SI: variants seen among roughly 807,000 people sequenced by gnomAD.
SI encodes the protein sucrase-isomaltase, also known as sucrase-isomaltase, intestinal.
In SI, 235 loss-of-function variants were observed where a neutral mutation model predicts 253.3. The ratio of observed to expected loss-of-function variants is 0.93; its 90% CI spans 0.83 to 1.03. The LOEUF is 1.03. Among genes scored for constraint, SI ranks in the 50% least tolerant of loss-of-function variants. The pLI is 0.00. For missense variants in SI, 2,442 were observed against 2,211.1 expected (o/e 1.10, Z -2.09); for synonymous variants, 819 against 712.0 (o/e 1.15, Z -2.39).
intron 15 of SI, among the ~76,000 whole-genome samples, chr3:165,048,344 A>C (rs906126369): frequency 1.1e-4 from 17 of 151,720 alleles, no homozygotes; most frequent in African/African-American, 4.1e-4. Context: ...GTATTAGAAA[A>C]TTAGTTAGAA....
the SI span, among the ~76,000 whole-genome samples, chr3:165,089,739 C>G: frequency 6.6e-6 from 1 of 152,060 alleles, no homozygotes; most frequent in Admixed American, 6.6e-5. Context: ...CTGGATTGGA[C>G]GAGCTACCAG....
chr3:164,998,065 G>T (rs1197355310), intron 38 of SI, among the ~76,000 whole-genome samples: 1 of 151,728 alleles, frequency 6.6e-6, no homozygotes, highest in Non-Finnish European at 1.5e-5. Context: ...TTTTGGGGTT[G>T]AATGGTCATT....
intron 3 of SI, among the ~76,000 whole-genome samples, chr3:165,070,266 T>A (rs2108103360): frequency 7.0e-6 from 1 of 143,762 alleles, no homozygotes; most frequent in African/African-American, 2.5e-5. Context: ...GTATAATAAA[T>A]ATACATATAT....
At chr3:165,079,153 C>T (rs188306713), upstream of SI, among the ~76,000 whole-genome samples, 1 of 151,492 alleles carries the variant, frequency 6.6e-6, no homozygotes, top group Non-Finnish European at 1.5e-5. Flanking sequence ...AATTACACTA[C>T]TGGTTTAAGC....
intron 25 of SI, 35 bp from the exon 26 acceptor site, chr3:165,023,811 A>T: frequency 6.9e-7 from 1 of 1,447,490 alleles, no homozygotes; most frequent in South Asian, 1.1e-5. Flanking sequence ...GCCAGAAATT[A>T]TAAGCCTTGT....
intron 17 of SI, 90 bp downstream of exon 17, chr3:165,042,969 G>A: frequency 1.2e-6 from 1 of 820,658 alleles, no homozygotes; most frequent in Non-Finnish European, 2.2e-6. Flanking sequence ...CAATCTTTCA[G>A]ACCATATACT....
At chr3:164,987,036 A>C in intron 45 of SI, 102 bp downstream of exon 45, 1 of 911,894 alleles carries the variant, frequency 1.1e-6, no homozygotes. Context: ...AATAATATTA[A>C]TAGCTTTGTA....
intron 12 of SI, among the ~76,000 whole-genome samples, chr3:165,058,032 C>A (rs139629568): frequency 6.9e-6 from 1 of 145,334 alleles, no homozygotes; most frequent in African/African-American, 2.5e-5. Context: ...TATGTCAGGC[C>A]AAAAAACAAG....
chr3:164,991,233 G>A, intron 44 of SI, 120 bp downstream of exon 44: 1 of 1,069,266 alleles, frequency 9.4e-7, no homozygotes, highest in Non-Finnish European at 1.4e-6. Flanking sequence ...TCATGTTACT[G>A]AGGCAGGCTA....
Position 164,996,597 on chromosome 3 carries a change from G to A in SI, c.4630C>T (p.Arg1544Cys), listed in dbSNP as rs767701775. Residue 1544 changes from arginine to cysteine, a missense_variant, in exon 40 of 48, where the codon CGC (arginine) becomes TGC (cysteine). Coordinates refer to ENST00000264382, the MANE Select transcript of SI (RefSeq NM_001041.4). Reference sequence around the variant, plus strand: ...TAAAATGCTCCAAGTTGCATCCAGCGGGTACAGAGATGATATTCTGAGTTG... The same window carrying A: ...TAAAATGCTCCAAGTTGCATCCAGCAGGTACAGAGATGATATTCTGAGTTG... The part of the protein sequence containing the change: ...FNNSEYHLCT[R>C]WMQLGAFYPY... The A allele has an allele frequency of 5.6e-5, 90 of 1,609,862 alleles. 2 individuals are homozygous for A. The highest frequency in any genetic ancestry group is 1.5e-5 in the Non-Finnish European group (18 of 1,176,964).
intron 47 of SI, among the ~76,000 whole-genome samples, chr3:164,980,072 G>T (rs1376161339): frequency 6.6e-6 from 1 of 151,710 alleles, no homozygotes; most frequent in Non-Finnish European, 1.5e-5. Context: ...GAACTGATAA[G>T]ATTTTCTGTG....
intron 44 of SI, among the ~76,000 whole-genome samples, chr3:164,987,834 T>C (rs1325819246): frequency 6.6e-6 from 1 of 152,230 alleles, no homozygotes; most frequent in African/African-American, 2.4e-5. Flanking sequence ...TTTATTCATA[T>C]ATTTACTCAT....
intron 18 of SI, 47 bp from the exon 19 acceptor site, chr3:165,040,018 T>C (rs753536783): frequency 2.1e-6 from 3 of 1,421,992 alleles, no homozygotes; most frequent in South Asian, 2.3e-5. Context: ...AAAAATAAGT[T>C]TATCCAAATT....
intron 15 of SI, among the ~76,000 whole-genome samples, chr3:165,047,372 C>T (rs1010742039): frequency 9.2e-5 from 14 of 151,982 alleles, no homozygotes; most frequent in Non-Finnish European, 1.8e-4. Context: ...TTGTGAGGCC[C>T]CCCCAGCCAT....
intron 31 of SI, among the ~76,000 whole-genome samples, chr3:165,016,551 A>G (rs1478639885): frequency 2.6e-5 from 4 of 151,994 alleles, no homozygotes; most frequent in Admixed American, 1.3e-4. Flanking sequence ...TAACAATTAC[A>G]TCAATTACTA....
At position 164,992,173 on chromosome 3, in the gene SI, T is replaced by C; in HGVS notation, c.4983+4A>G. 8 of 1,608,450 alleles carry C rather than the reference T, an allele frequency of 5.0e-6. No individual in the cohort carries two copies. The South Asian group carries it at 8.8e-5, about 18-fold the overall frequency. On this transcript the variant is annotated splice_donor_region_variant and intron_variant, in intron 43 of 47. Transcript: ENST00000264382. ...TAATTCCCCAGAATTCCTTAAATACTTACTGTATGGTAGTCAAACCACCGA... is the reference window on the plus strand; with the variant it reads ...TAATTCCCCAGAATTCCTTAAATACCTACTGTATGGTAGTCAAACCACCGA...
intron 13 of SI, among the ~76,000 whole-genome samples, chr3:165,052,485 G>A (rs1391247643): frequency 3.3e-5 from 5 of 152,012 alleles, no homozygotes; most frequent in Admixed American, 1.3e-4. Flanking sequence ...GCAAAACCCC[G>A]TCTCTACTAA....
chr3:165,074,228 T>C (rs530567569), intron 3 of SI, among the ~76,000 whole-genome samples: 1 of 152,170 alleles, frequency 6.6e-6, no homozygotes, highest in South Asian at 2.1e-4. Flanking sequence ...TTATCAAAGG[T>C]ATACTTTCTT....
Position 165,058,981 on chromosome 3 carries a change from A to G in SI, c.1380T>C (p.Ser460=), listed in dbSNP as rs886058148. The G allele has an allele frequency of 1.2e-6, 2 of 1,611,394 alleles. No individual in the cohort carries two copies. Among genetic ancestry groups the G allele is most frequent in the Middle Eastern group, 1.7e-4 (1 of 6,050 alleles). Residue 460 remains serine (S), a synonymous_variant, in exon 12 of 48, where the codon AGT becomes AGC. Coordinates refer to ENST00000264382, the MANE Select transcript of SI (RefSeq NM_001041.4). ...ATTTTACCTCTCCAATAATTGGTGTACTTCCATCTGACTCATTTATCCACA... is the reference window on the plus strand; with the variant it reads ...ATTTTACCTCTCCAATAATTGGTGTGCTTCCATCTGACTCATTTATCCACA... ...QHVWINESDG[S]TPIIGEVWPG...
Sources: allele counts gnomAD v4.1 joint callset (sites outside exome capture counted in the v4.1 genomes callset), GRCh38; gene constraint gnomAD v4.1.1; transcripts MANE v1.5; gene names NCBI Gene and HGNC (gene_info 2026-07-23, HGNC 2026-07-21).